HPSE2: variants seen among roughly 807,000 people sequenced by gnomAD.
HPSE2 encodes the protein inactive heparanase-2.
HPSE2 carries 38 observed loss-of-function variants against 60.5 expected under a neutral mutation model. That is an observed-to-expected ratio of 0.63 (90% CI 0.48 to 0.82). The LOEUF (loss-of-function observed/expected upper bound fraction) is 0.82, where lower values mean the gene tolerates loss of function less well. Among genes scored for constraint, HPSE2 ranks in the 40% least tolerant of loss-of-function variants. The pLI, the probability that HPSE2 is intolerant of heterozygous loss-of-function variation, is 0.00. For synonymous variants in HPSE2, 295 were observed against 293.2 expected (o/e 1.01, Z -0.06); for missense variants, 713 against 740.4 (o/e 0.96, Z 0.43).
At chr10:99,150,683 C>T (rs1196489158) in intron 2 of HPSE2, among the ~76,000 whole-genome samples, 1 of 152,138 alleles carries the variant, frequency 6.6e-6, no homozygotes, top group Non-Finnish European at 1.5e-5. Context: ...GCTACATATG[C>T]TTTCCATGCA....
At chr10:98,835,033 C>T (rs867584892) in intron 3 of HPSE2, among the ~76,000 whole-genome samples, 24 of 152,016 alleles carry the variant, frequency 1.6e-4, no homozygotes, top group African/African-American at 5.8e-4. Context: ...AAGCATGACC[C>T]ACATAAACAA....
At chr10:98,542,018 C>T (rs146918309) in intron 9 of HPSE2, among the ~76,000 whole-genome samples, 979 of 94,894 alleles carry the variant, frequency 0.01, no homozygotes, top group South Asian at 0.017. Flanking sequence ...ACTGCCTCCT[C>T]AAGTGGGTCC....
intron 11 of HPSE2, among the ~76,000 whole-genome samples, chr10:98,471,182 C>T (rs930673838): frequency 4.6e-5 from 7 of 152,140 alleles, no homozygotes; most frequent in Admixed American, 1.3e-4. Flanking sequence ...TGGGAAAAAT[C>T]GAAGATACAA....
intron 4 of HPSE2, among the ~76,000 whole-genome samples, chr10:98,730,072 T>A (rs898162927): frequency 1.5e-4 from 23 of 151,890 alleles, no homozygotes; most frequent in Admixed American, 6.6e-4. Flanking sequence ...AGAGAAAACA[T>A]CCTTCAGGAC....
rs1948766577 is a variant in HPSE2 at position 98,715,385 on chromosome 10, T to A, written c.956+6272A>T. Among the ~76,000 whole-genome samples the A allele has an allele frequency of 2.6e-5, 4 of 152,028 alleles. No homozygotes were observed. The South Asian group carries it at 8.3e-4, about 31-fold the overall frequency. ...AATACCATATATTTCTATATCATTA[T>A]AAGGATACCAATTACAGATTTTTAT... On this transcript the variant is annotated intron_variant, in intron 5 of 11. Coordinates refer to ENST00000370552, the MANE Select transcript of HPSE2 (RefSeq NM_021828.5).
At chr10:98,789,928 T>C (rs998387026) in intron 3 of HPSE2, among the ~76,000 whole-genome samples, 9 of 152,192 alleles carry the variant, frequency 5.9e-5, no homozygotes, top group African/African-American at 2.2e-4. Flanking sequence ...TGCTAACAAA[T>C]TATTTGTTGT....
the HPSE2 span, among the ~76,000 whole-genome samples, chr10:99,248,213 T>C: frequency 6.6e-6 from 1 of 152,208 alleles, no homozygotes; most frequent in Non-Finnish European, 1.5e-5. Context: ...GTTTGAAACC[T>C]CCTAGAGCCT....
At position 98,941,067 on chromosome 10, in the gene HPSE2, T is replaced by C. The variant is rs1296272909; in HGVS notation, c.611-197011A>G. The stretch of plus-strand genomic sequence containing the variant: ...GCTAAAACTCTCAATAAATTAGGTA[T>C]TGATGGGACGTATCTCAAAAGAATA... On this transcript the variant is annotated intron_variant, in intron 3 of 11. Coordinates refer to ENST00000370552, the MANE Select transcript of HPSE2 (RefSeq NM_021828.5). Among the ~76,000 whole-genome samples, 9 of 140,920 alleles carry C rather than the reference T, an allele frequency of 6.4e-5. 3 individuals are homozygous for C. The highest frequency in any genetic ancestry group is 4.0e-4 in the East Asian group (2 of 5,050). 92.4% of individuals were successfully genotyped at this position (140,920 alleles called of 152,430 possible).
intron 3 of HPSE2, among the ~76,000 whole-genome samples, chr10:98,824,882 T>G (rs1375795514): frequency 2.0e-5 from 3 of 152,232 alleles, no homozygotes; most frequent in Non-Finnish European, 4.4e-5. Context: ...TTTGCTTATT[T>G]CCCCATCTTC....
chr10:98,561,243 T>C (rs1944172569), intron 9 of HPSE2, among the ~76,000 whole-genome samples: 1 of 151,146 alleles, frequency 6.6e-6, no homozygotes, highest in Non-Finnish European at 1.5e-5. Flanking sequence ...CTCGGCTCAC[T>C]GCAACATCTG....
At chr10:99,256,656 A>G in the HPSE2 span, among the ~76,000 whole-genome samples, 3,059 of 152,226 alleles carry the variant, frequency 0.02, 110 homozygotes, top group East Asian at 0.15. Context: ...ATTTGACAGG[A>G]AAAGGTAAAA....
rs916590352 is a variant in HPSE2, at chr10:99,006,434, G to A, written c.610+137804C>T. Among the ~76,000 whole-genome samples the A allele has an allele frequency of 2.0e-5, 3 of 152,178 alleles. No homozygotes were observed. In the East Asian group the frequency reaches 5.8e-4, roughly 29 times the overall value. On this transcript the variant is annotated intron_variant, in intron 3 of 11. Transcript: ENST00000370552. ...ATCCACAGGATCTTGCCTTGTATCTGATGCCAGAGGCTATGACCTGGTGCT... is the reference window on the plus strand; with the variant it reads ...ATCCACAGGATCTTGCCTTGTATCTAATGCCAGAGGCTATGACCTGGTGCT...
At chr10:99,109,523 C>T (rs17558672) in intron 3 of HPSE2, among the ~76,000 whole-genome samples, 11,851 of 152,060 alleles carry the variant, frequency 0.078, 628 homozygotes, top group South Asian at 0.19. Flanking sequence ...TGGTCAACTC[C>T]GAGAAAGGAA....
intron 3 of HPSE2, among the ~76,000 whole-genome samples, chr10:98,905,235 G>T (rs909325514): frequency 3.3e-5 from 5 of 151,112 alleles, no homozygotes; most frequent in African/African-American, 1.2e-4. Context: ...ATGTATACAT[G>T]TGCCATGCTG....
chr10:98,620,996 A>G (rs1178149318), intron 7 of HPSE2, among the ~76,000 whole-genome samples: 2 of 152,196 alleles, frequency 1.3e-5, no homozygotes. Flanking sequence ...AACTGACTGC[A>G]GTACTTTCCA....
chr10:98,597,215 G>C (rs1945263809), intron 9 of HPSE2, among the ~76,000 whole-genome samples: 1 of 152,078 alleles, frequency 6.6e-6, no homozygotes, highest in Admixed American at 6.5e-5. Context: ...GATTTGGGTG[G>C]GGACACAGCC....
At chr10:99,086,218 A>G (rs559247596) in intron 3 of HPSE2, among the ~76,000 whole-genome samples, 1 of 152,280 alleles carries the variant, frequency 6.6e-6, no homozygotes, top group East Asian at 1.9e-4. Flanking sequence ...CCAGAATGCT[A>G]GCCCTCAAAC....
intron 4 of HPSE2, among the ~76,000 whole-genome samples, chr10:98,731,089 C>T (rs1320866541): frequency 6.6e-6 from 1 of 151,946 alleles, no homozygotes; most frequent in African/African-American, 2.4e-5. Flanking sequence ...GTTCAAGACC[C>T]ACCTGGCCAA....
chr10:98,879,486 C>T (rs762943840), intron 3 of HPSE2, among the ~76,000 whole-genome samples: 6 of 151,992 alleles, frequency 3.9e-5, no homozygotes, highest in Admixed American at 2.6e-4. Context: ...CTGGTGAGGA[C>T]GCACTTTTTC....
Sources: gnomAD v4.1 joint callset for allele counts (sites outside exome capture counted in the v4.1 genomes callset) on GRCh38, gnomAD v4.1.1 for gene constraint, MANE v1.5 for transcripts, NCBI Gene and HGNC (gene_info 2026-07-23, HGNC 2026-07-21) for gene names.